Variants in MFSD6 observed in about 807,000 individuals in gnomAD.
The protein encoded by MFSD6 is major facilitator superfamily domain-containing protein 6.
Under a neutral mutation model 56.3 loss-of-function variants are expected in MFSD6, and 26 were observed. The ratio of observed to expected loss-of-function variants is 0.46; its 90% CI spans 0.34 to 0.64. The LOEUF (loss-of-function observed/expected upper bound fraction) is 0.64, where lower values mean the gene tolerates loss of function less well. Ranked by LOEUF, MFSD6 falls within the 30% of genes least tolerant of loss-of-function variation. The pLI is 0.01. For missense variants in MFSD6, 750 were observed against 986.2 expected, an observed-to-expected ratio of 0.76 and a Z score of 3.21; for synonymous variants, 331 against 366.9, an observed-to-expected ratio of 0.90 and a Z score of 1.12.
At position 190,410,615 on chromosome 2, in the gene MFSD6, G is replaced by T. The variant is rs1222930502; in HGVS notation, c.-176+2112G>T. On this transcript the variant is annotated intron_variant, in intron 1 of 7. Transcript: ENST00000392328. The surrounding 1 kb of genome is among the most constrained non-coding windows in gnomAD (Gnocchi z 4.4). ...CCTCACCAGTTGTAGATTGAAGGCA[G>T]TATGAAGCTGACAGGTTTCTTTGTT... Among the ~76,000 whole-genome samples the T allele has an allele frequency of 6.6e-6, 1 of 152,196 alleles. No homozygotes were observed. The highest frequency in any genetic ancestry group is 1.5e-5 in the Non-Finnish European group (1 of 68,040).
chr2:190,468,809 C>T (rs1467943126), intron 3 of MFSD6, among the ~76,000 whole-genome samples: 2 of 151,960 alleles, frequency 1.3e-5, no homozygotes, highest in Non-Finnish European at 1.5e-5. Context: ...CACTGATTAT[C>T]GTGTTGGTTT....
chr2:190,474,235 T>C (rs1479548389), intron 4 of MFSD6, among the ~76,000 whole-genome samples: 2 of 151,622 alleles, frequency 1.3e-5, no homozygotes, highest in Non-Finnish European at 2.9e-5. Flanking sequence ...CTGAAGGAAA[T>C]AGAGACACAA....
At chr2:190,453,329 T>C (rs1160478412) in intron 3 of MFSD6, among the ~76,000 whole-genome samples, 5 of 151,986 alleles carry the variant, frequency 3.3e-5, no homozygotes, top group African/African-American at 1.2e-4. Flanking sequence ...TTGGAACTTG[T>C]GGAATTTCTA....
At position 190,418,722 on chromosome 2, in the gene MFSD6, G is replaced by A. The variant is rs758766365; in HGVS notation, c.-54+3309G>A. Among the ~76,000 whole-genome samples, 8 of 152,178 alleles carry A rather than the reference G, an allele frequency of 5.3e-5. No individual in the cohort carries two copies. In the South Asian group the frequency reaches 6.2e-4, roughly 12 times the overall value. ...CAGTGAGCTGTGATTGTGCCACTGC[G>A]CTCCAGCCTGGGTGGCAGAAGGAGC... On this transcript the variant is annotated intron_variant, in intron 2 of 7. Transcript: ENST00000392328. This position sits in a 1 kb window ranked among gnomAD's most constrained non-coding sequence, Gnocchi z 4.1.
At chr2:190,407,849 C>T (rs913278909), upstream of MFSD6, among the ~76,000 whole-genome samples, 2 of 152,220 alleles carry the variant, frequency 1.3e-5, no homozygotes, top group African/African-American at 4.8e-5. The surrounding 1 kb of genome is among the most constrained non-coding windows in gnomAD (Gnocchi z 5.4). Context: ...GCACTGACAG[C>T]ATTAGCATTG....
In MFSD6 at chr2:190,416,589, A is replaced by C. The variant is rs1474053276; in HGVS notation, c.-54+1176A>C. ...ATTCATGAGCACAGATGGATGAAAT[A>C]CTAGCCTAGTTCAAGGGTGGTGCCA... is the stretch of plus-strand genomic sequence containing the variant. On this transcript the variant is annotated intron_variant, in intron 2 of 7. Coordinates refer to ENST00000392328, the MANE Select transcript of MFSD6 (RefSeq NM_017694.4). The surrounding 1 kb of genome is among the most constrained non-coding windows in gnomAD (Gnocchi z 4.1). Among the ~76,000 whole-genome samples the C allele has an allele frequency of 6.6e-6, 1 of 152,260 alleles. No homozygotes were observed. Among genetic ancestry groups the C allele is most frequent in the African/African-American group, 2.4e-5 (1 of 41,466 alleles).
At position 190,497,346 on chromosome 2, in the gene MFSD6, A is replaced by G; in HGVS notation, c.1892-93A>G. On this transcript the variant is annotated intron_variant, in intron 6 of 7. Transcript: ENST00000392328. The surrounding 1 kb of genome is among the most constrained non-coding windows in gnomAD (Gnocchi z 5.2). ...TATTATCAAGCACTCTGGAATGGGT[A>G]TATGGGATTCTTGGTTTATTTATTT... 7.2e-7 allele frequency: 1 copy of G among 1,382,920 alleles called. No homozygotes were observed. The allele number at this position is 1,382,920 out of a possible 1,614,324, so 85.7% of individuals were successfully genotyped here.
rs533569903 is a variant in MFSD6 at position 190,470,477 on chromosome 2, A to G, written c.1630+622A>G. ...GTGCTGAAAAAATGGATTACTATTCAAAGCTCATTGCCATGTTAGCTCATA... is the reference window on the plus strand; with the variant it reads ...GTGCTGAAAAAATGGATTACTATTCGAAGCTCATTGCCATGTTAGCTCATA... On this transcript the variant is annotated intron_variant, in intron 4 of 7. Transcript: ENST00000392328. Among the ~76,000 whole-genome samples the G allele has an allele frequency of 2.0e-5, 3 of 152,362 alleles. No individual in the cohort carries two copies. In the East Asian group the frequency reaches 5.8e-4, roughly 29 times the overall value.
In MFSD6 at chr2:190,496,222, C is replaced by A. The variant is rs964714085; in HGVS notation, c.1892-1217C>A. Among the ~76,000 whole-genome samples, 2 of 151,210 alleles carry A rather than the reference C, an allele frequency of 1.3e-5. No homozygotes were observed. The highest frequency in any genetic ancestry group is 2.1e-4 in the South Asian group (1 of 4,794). On this transcript the variant is annotated intron_variant, in intron 6 of 7. Transcript: ENST00000392328. The surrounding 1 kb of genome is among the most constrained non-coding windows in gnomAD (Gnocchi z 4.7). ...CAAAGATACACAAATGGCCAACAAA[C>A]ATGAAACAATGGTCAACATCACTAG... is the stretch of plus-strand genomic sequence containing the variant.
chr2:190,455,006 T>TATGTATA (rs1559120800), intron 3 of MFSD6, among the ~76,000 whole-genome samples: 29 of 119,136 alleles, frequency 2.4e-4, no homozygotes, highest in African/African-American at 7.1e-4. Context: ...GTATAATGTA[T>TATGTATA]ATGTATATGT....
In MFSD6 at chr2:190,497,842, C is replaced by T. The variant is rs1689792846; in HGVS notation, c.2172+123C>T. The T allele has an allele frequency of 8.5e-7, 1 of 1,172,572 alleles. No homozygotes were observed. Among genetic ancestry groups the T allele is most frequent in the East Asian group, 2.5e-5 (1 of 40,808 alleles). 72.6% of individuals were successfully genotyped at this position (1,172,572 alleles called of 1,614,324 possible). Reference sequence around the variant, plus strand: ...TTGAAAGTCTGGTGGGGGAAATAGACATGCAAACAATTTCAGTACTCTGTG... The same window carrying T: ...TTGAAAGTCTGGTGGGGGAAATAGATATGCAAACAATTTCAGTACTCTGTG... On this transcript the variant is annotated intron_variant, in intron 7 of 7. Transcript: ENST00000392328. This position sits in a 1 kb window ranked among gnomAD's most constrained non-coding sequence, Gnocchi z 5.2.
At position 190,487,819 on chromosome 2, in the gene MFSD6, G is replaced by A. The variant is rs1689098786; in HGVS notation, c.1631-838G>A. Among the ~76,000 whole-genome samples, 1 of 152,050 alleles carries A rather than the reference G, an allele frequency of 6.6e-6. No individual in the cohort carries two copies. Among genetic ancestry groups the A allele is most frequent in the Non-Finnish European group, 1.5e-5 (1 of 67,976 alleles). The stretch of plus-strand genomic sequence containing the variant: ...GAATGTAAAATGGTACAGCTACTTT[G>A]GAAAAAAGGTAGTTCCTCAAAGTGT... On this transcript the variant is annotated intron_variant, in intron 4 of 7. Transcript: ENST00000392328. This position sits in a 1 kb window ranked among gnomAD's most constrained non-coding sequence, Gnocchi z 5.5.
At chr2:190,479,773 T>C (rs1688555078) in intron 4 of MFSD6, among the ~76,000 whole-genome samples, 1 of 152,142 alleles carries the variant, frequency 6.6e-6, no homozygotes, top group African/African-American at 2.4e-5. Flanking sequence ...ACTCCAGCAC[T>C]GAGGAGTGAA....
chr2:190,482,906 A>G (rs1433323107), intron 4 of MFSD6, among the ~76,000 whole-genome samples: 2 of 13,798 alleles, frequency 1.4e-4, no homozygotes, highest in East Asian at 4.5e-3. Context: ...TTTTTTTTAG[A>G]CGGAGTCTCA....
chr2:190,409,774 TC>T (rs1559098118), intron 1 of MFSD6, among the ~76,000 whole-genome samples: 1 of 152,158 alleles, frequency 6.6e-6, no homozygotes, highest in African/African-American at 2.4e-5. Context: ...AAGGATAGGA[TC>T]CTCCTCTTTG....
rs1166266026 is a variant in MFSD6, at chr2:190,487,413, A to G, written c.1631-1244A>G. Among the ~76,000 whole-genome samples, 1 of 152,220 alleles carries G rather than the reference A, an allele frequency of 6.6e-6. No homozygotes were observed. The highest frequency in any genetic ancestry group is 1.5e-5 in the Non-Finnish European group (1 of 68,036). ...AACCCCACTTGTGGAATTATAGCCA[A>G]TGTAAATAATCTAAGGTATGTAAAA... On this transcript the variant is annotated intron_variant, in intron 4 of 7. Transcript: ENST00000392328. This position sits in a 1 kb window ranked among gnomAD's most constrained non-coding sequence, Gnocchi z 5.5.
rs1689692771 is a variant in MFSD6, at chr2:190,496,614, GTGTGTATGTA to G, written c.1892-821_1892-812del. On this transcript the variant is annotated intron_variant, in intron 6 of 7. Coordinates refer to ENST00000392328, the MANE Select transcript of MFSD6 (RefSeq NM_017694.4). The surrounding 1 kb of genome is among the most constrained non-coding windows in gnomAD (Gnocchi z 4.7). The stretch of plus-strand genomic sequence containing the variant: ...AATGAGTGGATAAAGAAACTGTAGT[GTGTGTATGTA>G]TGTATATGTGTGTATATATATGTAT... 6.6e-6 allele frequency among the ~76,000 whole-genome samples: 1 copy of G among 152,072 alleles called. No individual in the cohort carries two copies. Among genetic ancestry groups the G allele is most frequent in the South Asian group, 2.1e-4 (1 of 4,828 alleles).
rs550711433 is a variant in MFSD6, at chr2:190,424,600, C to T, written c.-54+9187C>T. 6.6e-5 allele frequency among the ~76,000 whole-genome samples: 10 copies of T among 152,304 alleles called. No homozygotes were observed. In the South Asian group the frequency reaches 1.7e-3, roughly 25 times the overall value. ...TCCGTCCACCTCGGCCACCAAAGTG[C>T]TGGGATTACAGGCGTGAGCCACTGC... is the stretch of plus-strand genomic sequence containing the variant. On this transcript the variant is annotated intron_variant, in intron 2 of 7. Transcript: ENST00000392328. This position sits in a 1 kb window ranked among gnomAD's most constrained non-coding sequence, Gnocchi z 5.9.
intron 4 of MFSD6, among the ~76,000 whole-genome samples, chr2:190,473,101 A>G (rs922099504): frequency 6.6e-6 from 1 of 152,242 alleles, no homozygotes. Flanking sequence ...AAACATGGAA[A>G]GGAACAACCG....
Sources: gnomAD v4.1 joint callset for allele counts (sites outside exome capture counted in the v4.1 genomes callset) on GRCh38, gnomAD v4.1.1 for gene constraint, Gnocchi (gnomAD v3.1) non-coding constraint, MANE v1.5 for transcripts, NCBI Gene and HGNC (gene_info 2026-07-23, HGNC 2026-07-21) for gene names.